The following SRGAP3 variants were observed in gnomAD, a reference collection of about 807,000 sequenced individuals.
SRGAP3 encodes SLIT-ROBO Rho GTPase-activating protein 3.
SRGAP3 carries 39 observed loss-of-function variants against 121.1 expected under a neutral mutation model. The ratio of observed to expected loss-of-function variants is 0.32; its 90% CI spans 0.25 to 0.42. SRGAP3 has a LOEUF of 0.42. Among genes scored for constraint, SRGAP3 ranks in the 10% least tolerant of loss-of-function variants. The probability of loss-of-function intolerance (pLI) is 1.00; values close to 1 mark genes in which losing one functional copy is unlikely to be tolerated. For synonymous variants in SRGAP3, 601 were observed against 570.0 expected (o/e 1.05, Z -0.77); for missense variants, 1,213 against 1,470.6 (o/e 0.82, Z 2.86).
chr3:9,360,619 A>G (rs1361448934), intron 1 of SRGAP3, among the ~76,000 whole-genome samples: 1 of 152,218 alleles, frequency 6.6e-6, no homozygotes, highest in African/African-American at 2.4e-5. Context: ...AGGCCTCACA[A>G]TCATGGTGGA....
At chr3:9,033,388 C>T (rs904070057) in intron 11 of SRGAP3, 3 of 152,010 alleles carry the variant, frequency 2.0e-5, no homozygotes, top group African/African-American at 7.3e-5. Flanking sequence ...ATATCCTGCT[C>T]TTTAGTCAAG....
intron 1 of SRGAP3, among the ~76,000 whole-genome samples, chr3:9,350,640 T>G (rs1326374205): frequency 6.6e-6 from 1 of 152,194 alleles, no homozygotes; most frequent in Non-Finnish European, 1.5e-5. Context: ...GCTAACAAAG[T>G]CTTTCTGAAT....
chr3:9,139,105 G>C (rs1422587739), intron 1 of SRGAP3, among the ~76,000 whole-genome samples: 1 of 152,198 alleles, frequency 6.6e-6, no homozygotes, highest in Non-Finnish European at 1.5e-5. Context: ...TTTGTCCATA[G>C]TTCTTCATTT....
chr3:9,076,856 G>A (rs575517232), intron 4 of SRGAP3, among the ~76,000 whole-genome samples: 24 of 152,212 alleles, frequency 1.6e-4, no homozygotes, highest in Middle Eastern at 3.4e-3. Context: ...GCTCACAGGC[G>A]AGTTACACAG....
chr3:9,174,138 T>G (rs1357021227), intron 1 of SRGAP3, among the ~76,000 whole-genome samples: 1 of 152,112 alleles, frequency 6.6e-6, no homozygotes, highest in Non-Finnish European at 1.5e-5. Flanking sequence ...AAGAATCCAC[T>G]TATATGAGGT....
intron 1 of SRGAP3, among the ~76,000 whole-genome samples, chr3:9,333,875 T>C (rs1955649299): frequency 6.6e-6 from 1 of 152,126 alleles, no homozygotes; most frequent in Non-Finnish European, 1.5e-5. Context: ...CTGCTATGCC[T>C]CATGCTGGGG....
chr3:9,001,202 T>G (rs3846164), intron 18 of SRGAP3, among the ~76,000 whole-genome samples: 9,654 of 152,226 alleles, frequency 0.063, 997 homozygotes, highest in African/African-American at 0.22. Flanking sequence ...CAATAATGTA[T>G]TGTATGTTCC....
intron 17 of SRGAP3, among the ~76,000 whole-genome samples, chr3:9,012,860 T>C (rs966833006): frequency 2.0e-5 from 3 of 152,192 alleles, no homozygotes; most frequent in African/African-American, 7.2e-5. Context: ...CTTTTTCTAT[T>C]GAAGATGCTA....
chr3:9,313,165 C>T (rs1308910008), intron 3 of SRGAP3, among the ~76,000 whole-genome samples: 1 of 152,170 alleles, frequency 6.6e-6, no homozygotes, highest in East Asian at 1.9e-4. Context: ...CTTGCTCAAA[C>T]ACTAAGCCCC....
At chr3:9,238,387 A>AT (rs573173769) in intron 1 of SRGAP3, among the ~76,000 whole-genome samples, 36 of 152,074 alleles carry the variant, frequency 2.4e-4, no homozygotes, top group Non-Finnish European at 4.7e-4. Context: ...AATTCTTGGC[A>AT]TTTTTTCAAA....
intron 3 of SRGAP3, among the ~76,000 whole-genome samples, chr3:9,311,507 A>G (rs1208513381): frequency 6.6e-6 from 1 of 152,244 alleles, no homozygotes; most frequent in African/African-American, 2.4e-5. Context: ...GCAACCACTC[A>G]GCTCTGCAGG....
At chr3:9,112,128 G>A (rs971427830) in intron 2 of SRGAP3, among the ~76,000 whole-genome samples, 3 of 152,170 alleles carry the variant, frequency 2.0e-5, no homozygotes, top group African/African-American at 4.8e-5. Flanking sequence ...GGAAAATTCC[G>A]CTTAGCAAAC....
At chr3:9,066,985 C>A (rs1946462949) in intron 4 of SRGAP3, among the ~76,000 whole-genome samples, 1 of 152,190 alleles carries the variant, frequency 6.6e-6, no homozygotes, top group Admixed American at 6.5e-5. Flanking sequence ...GTCACACAAC[C>A]TCTCTGACCT....
chr3:9,149,150 G>T (rs965105545), intron 1 of SRGAP3, among the ~76,000 whole-genome samples: 2 of 150,394 alleles, frequency 1.3e-5, no homozygotes, highest in Non-Finnish European at 3.0e-5. Context: ...GGAGGCGGAG[G>T]TTGCAGTGAG....
At chr3:9,075,674 C>A (rs931292142) in intron 4 of SRGAP3, among the ~76,000 whole-genome samples, 1 of 152,134 alleles carries the variant, frequency 6.6e-6, no homozygotes, top group African/African-American at 2.4e-5. Flanking sequence ...AACAGACCAC[C>A]ACCACCTCCC....
At chr3:9,141,179 T>C (rs111252599) in intron 1 of SRGAP3, among the ~76,000 whole-genome samples, 2,864 of 152,316 alleles carry the variant, frequency 0.019, 41 homozygotes, top group Middle Eastern at 0.034. Flanking sequence ...CACTCTGCCA[T>C]AGCTGTCTCC....
intron 11 of SRGAP3, 133 bp from the exon 12 acceptor site, chr3:9,032,885 C>T (rs1338024923): frequency 2.5e-6 from 2 of 788,828 alleles, no homozygotes; most frequent in South Asian, 3.2e-5. Context: ...CCCGCCAAGA[C>T]ATTGGTTTCC....
At chr3:9,107,539 G>C (rs1560164236) in intron 2 of SRGAP3, among the ~76,000 whole-genome samples, 1 of 152,180 alleles carries the variant, frequency 6.6e-6, no homozygotes, top group Non-Finnish European at 1.5e-5. Context: ...TGTAGGTTCA[G>C]CTTAGATGAT....
intron 2 of SRGAP3, among the ~76,000 whole-genome samples, chr3:9,117,867 G>A (rs918241699): frequency 2.6e-5 from 4 of 152,060 alleles, no homozygotes; most frequent in African/African-American, 9.7e-5. Flanking sequence ...GCCTATAATC[G>A]CAGTGTTTTG....
Sources: allele counts gnomAD v4.1 joint callset (sites outside exome capture counted in the v4.1 genomes callset), GRCh38; gene constraint gnomAD v4.1.1; transcripts MANE v1.5; gene names NCBI Gene and HGNC (gene_info 2026-07-23, HGNC 2026-07-21).